MMP28: variants seen among roughly 807,000 people sequenced by gnomAD.
MMP28 encodes matrix metalloproteinase-28.
A neutral mutation model predicts 60.5 loss-of-function variants in MMP28; 55 were observed. The ratio of observed to expected loss-of-function variants is 0.91; its 90% confidence interval spans 0.73 to 1.14. The LOEUF is 1.14. Ranked by LOEUF, MMP28 falls within the 50% of genes most tolerant of loss-of-function variation. The pLI, the probability that MMP28 is intolerant of heterozygous loss-of-function variation, is 0.00. For missense variants in MMP28, 686 were observed against 738.3 expected, an observed-to-expected ratio of 0.93 and a Z score of 0.82; for synonymous variants, 318 against 312.5, an observed-to-expected ratio of 1.02 and a Z score of -0.18.
At chr17:35,786,935 C>T (rs1437784212) in intron 1 of MMP28, among the ~76,000 whole-genome samples, 1 of 151,770 alleles carries the variant, frequency 6.6e-6, no homozygotes, top group Non-Finnish European at 1.5e-5. Flanking sequence ...TAGTGTCTTA[C>T]CAAAGTGATC....
downstream of MMP28, among the ~76,000 whole-genome samples, chr17:35,765,523 G>A (rs2085916773): frequency 6.6e-6 from 1 of 152,242 alleles, no homozygotes; most frequent in African/African-American, 2.4e-5. Context: ...TGCCTCGTGT[G>A]TGGCCTGGAG....
In MMP28 at chr17:35,795,389, C is replaced by G; in HGVS notation, c.-12G>C. Reference sequence around the variant, plus strand: ...ACGCGCGCGACCATCTCGCCGCCTCCGGTGCAGCCCGGCTCGGGGAGCTAC... The same window carrying G: ...ACGCGCGCGACCATCTCGCCGCCTCGGGTGCAGCCCGGCTCGGGGAGCTAC... On this transcript the variant is annotated 5_prime_UTR_variant, in exon 1 of 8. Coordinates refer to ENST00000605424, the MANE Select transcript of MMP28 (RefSeq NM_024302.5). 4 of 1,406,834 alleles carry G rather than the reference C, an allele frequency of 2.8e-6. No individual in the cohort carries two copies. The highest frequency in any genetic ancestry group is 3.7e-6 in the Non-Finnish European group (4 of 1,084,854). 87.1% of individuals were successfully genotyped at this position (1,406,834 alleles called of 1,614,324 possible).
chr17:35,768,085 G>T, intron 6 of MMP28, 145 bp downstream of exon 6: 2 of 1,273,038 alleles, frequency 1.6e-6, no homozygotes, highest in East Asian at 2.4e-5. Flanking sequence ...TGTTTTGCTG[G>T]GTGTGGGGTT....
Position 35,770,264 on chromosome 17 carries a change from A to C in MMP28, c.653T>G (p.Phe218Cys), listed in dbSNP as rs778757734. 74 of 1,578,356 alleles carry C rather than the reference A, an allele frequency of 4.7e-5. No individual in the cohort carries two copies. Among genetic ancestry groups the C allele is most frequent in the Non-Finnish European group, 6.1e-5 (71 of 1,169,698 alleles). Residue 218 changes from phenylalanine to cysteine, a missense_variant, in exon 5 of 8, where the codon TTC becomes TGC. Physicochemically the swap from Phe to Cys is radical, Grantham distance 205 (BLOSUM62 -2). Coordinates refer to ENST00000605424, the MANE Select transcript of MMP28 (RefSeq NM_024302.5). ...CAGGGACCAGCGCTCATCTTGGTCG[A>C]AGTGCGCTTCGCCGCGGCGGGGCAG... is the stretch of plus-strand genomic sequence containing the variant. ...AFLPRRGEAHFDQDERWSLSR... is the reference protein window; with the variant it reads ...AFLPRRGEAHCDQDERWSLSR...
intron 3 of MMP28, among the ~76,000 whole-genome samples, chr17:35,774,620 TCTC>T (rs944238254): frequency 1.3e-5 from 2 of 152,156 alleles, no homozygotes; most frequent in Non-Finnish European, 2.9e-5. Context: ...TGGACTCTCT[TCTC>T]CTCACCAATG....
At chr17:35,759,104 C>T (rs1414923328) in intron 2 of MMP28, among the ~76,000 whole-genome samples, 8 of 152,316 alleles carry the variant, frequency 5.3e-5, no homozygotes, top group South Asian at 4.1e-4. Flanking sequence ...TGTTCTTATT[C>T]GCCACCCTTC....
intron 1 of MMP28, among the ~76,000 whole-genome samples, chr17:35,791,661 G>A (rs543002182): frequency 6.6e-6 from 1 of 152,302 alleles, no homozygotes; most frequent in South Asian, 2.1e-4. Context: ...TACACCTAAA[G>A]CATGGCATTG....
intron 1 of MMP28, among the ~76,000 whole-genome samples, chr17:35,789,478 G>T (rs1285524423): frequency 6.6e-6 from 1 of 152,122 alleles, no homozygotes; most frequent in Non-Finnish European, 1.5e-5. Flanking sequence ...TAAAGTGGAA[G>T]CTTAAATCAT....
chr17:35,769,816 G>C (rs2086063710), intron 5 of MMP28, among the ~76,000 whole-genome samples: 1 of 151,944 alleles, frequency 6.6e-6, no homozygotes, highest in African/African-American at 2.4e-5. Flanking sequence ...GGGCGGGGTT[G>C]GGGGTACTGT....
intron 2 of MMP28, among the ~76,000 whole-genome samples, chr17:35,759,681 A>G (rs1306960533): frequency 3.9e-5 from 6 of 152,182 alleles, no homozygotes; most frequent in Admixed American, 3.9e-4. Context: ...AGCCTGGGTG[A>G]CGGTGAGACT....
At chr17:35,769,946 A>T (rs370614295) in intron 5 of MMP28, 121 bp downstream of exon 5, 1 of 1,318,710 alleles carries the variant, frequency 7.6e-7, no homozygotes. Flanking sequence ...CGAATCGGCG[A>T]CAGGGAGGCC....
intron 1 of MMP28, among the ~76,000 whole-genome samples, chr17:35,782,331 A>G (rs1305227740): frequency 6.6e-6 from 1 of 152,202 alleles, no homozygotes; most frequent in Non-Finnish European, 1.5e-5. Flanking sequence ...CTGGGATTAC[A>G]GGCGTGAGCC....
intron 1 of MMP28, among the ~76,000 whole-genome samples, chr17:35,785,205 C>T (rs953396000): frequency 4.6e-5 from 7 of 152,106 alleles, no homozygotes; most frequent in Admixed American, 4.6e-4. Context: ...ATAGCCTAGC[C>T]TATTTAGTGC....
Position 35,786,596 on chromosome 17 carries a change from T to C in MMP28, c.112-7273A>G, listed in dbSNP as rs540214476. ...TCAAGATGCAAAGGATGGCAAGGCA[T>C]AGTGGCTCACGTCTGCAATCCTAGC... On this transcript the variant is annotated intron_variant, in intron 1 of 7. Coordinates refer to ENST00000605424, the MANE Select transcript of MMP28 (RefSeq NM_024302.5). Among the ~76,000 whole-genome samples the C allele has an allele frequency of 2.0e-5, 3 of 151,518 alleles. No individual in the cohort carries two copies. The East Asian group carries it at 5.8e-4, about 29-fold the overall frequency.
chr17:35,785,920 T>A (rs2086634511), intron 1 of MMP28, among the ~76,000 whole-genome samples: 2 of 152,218 alleles, frequency 1.3e-5, no homozygotes, highest in African/African-American at 4.8e-5. Flanking sequence ...AGGAGCATCA[T>A]CAACATCTAA....
downstream of MMP28, among the ~76,000 whole-genome samples, chr17:35,763,662 C>T (rs2085870224): frequency 6.6e-6 from 1 of 151,686 alleles, no homozygotes; most frequent in Non-Finnish European, 1.5e-5. Context: ...TTTGGGAGGC[C>T]GAAAAGGGCA....
chr17:35,767,072 A>C (rs1598417171), intron 7 of MMP28, 178 bp from the exon 8 acceptor site: 1 of 726,842 alleles, frequency 1.4e-6, no homozygotes, highest in East Asian at 2.7e-5. Flanking sequence ...TGGTAGTAGC[A>C]ACTCCTATTA....
At chr17:35,791,920 T>C (rs912419647) in intron 1 of MMP28, among the ~76,000 whole-genome samples, 1 of 152,162 alleles carries the variant, frequency 6.6e-6, no homozygotes, top group African/African-American at 2.4e-5. Context: ...CTCCCTCCTC[T>C]GTGACGCACC....
chr17:35,765,403 G>A (rs1368010364), downstream of MMP28, among the ~76,000 whole-genome samples: 6 of 152,340 alleles, frequency 3.9e-5, no homozygotes, highest in East Asian at 1.2e-3. Context: ...AAAACCAGAT[G>A]CTAAAATAAA....
Sources: allele counts gnomAD v4.1 joint callset (sites outside exome capture counted in the v4.1 genomes callset), GRCh38; gene constraint gnomAD v4.1.1; transcripts MANE v1.5; gene names NCBI Gene and HGNC (gene_info 2026-07-23, HGNC 2026-07-21).